Variants in PLCB1 observed in about 807,000 individuals in gnomAD.
The protein encoded by PLCB1 is phospholipase C beta 1, also known as 1-phosphatidylinositol 4,5-bisphosphate phosphodiesterase beta-1.
PLCB1 carries 46 observed loss-of-function variants against 161.8 expected under a neutral mutation model. The observed-to-expected ratio is 0.28, with a 90% CI of 0.22 to 0.36. The LOEUF is 0.36. Ranked by LOEUF, PLCB1 falls within the 10% of genes least tolerant of loss-of-function variation. PLCB1 has a pLI of 1.00. For synonymous variants in PLCB1, 517 were observed against 503.7 expected, an observed-to-expected ratio of 1.03 and a Z score of -0.35; for missense variants, 1,016 against 1,472.5, an observed-to-expected ratio of 0.69 and a Z score of 5.07.
intron 2 of PLCB1, among the ~76,000 whole-genome samples, chr20:8,341,207 T>C (rs1476394439): frequency 1.3e-5 from 2 of 152,182 alleles, no homozygotes; most frequent in African/African-American, 2.4e-5. Context: ...CAACAGGTAC[T>C]ACTCATTCCA....
intron 4 of PLCB1, among the ~76,000 whole-genome samples, chr20:8,643,756 C>T (rs1241067089): frequency 6.9e-6 from 1 of 145,674 alleles, no homozygotes; most frequent in Non-Finnish European, 1.5e-5. Context: ...TCTCCCTCTC[C>T]CTCTCCCTCT....
chr20:8,251,752 AG>A (rs1981158973), intron 2 of PLCB1, among the ~76,000 whole-genome samples: 1 of 151,994 alleles, frequency 6.6e-6, no homozygotes, highest in Non-Finnish European at 1.5e-5. Flanking sequence ...GTTGCGAGTG[AG>A]ACACATTCCT....
At chr20:8,369,081 C>G (rs1287588397) in intron 2 of PLCB1, among the ~76,000 whole-genome samples, 1 of 152,166 alleles carries the variant, frequency 6.6e-6, no homozygotes, top group Non-Finnish European at 1.5e-5. Flanking sequence ...ATACCTGATA[C>G]ATTGTAGGCA....
rs186007454 is a variant in PLCB1 at position 8,795,747 on chromosome 20, C to T, written c.3423+5486C>T. Among the ~76,000 whole-genome samples, 351 of 151,928 alleles carry T rather than the reference C, an allele frequency of 2.3e-3. 2 individuals are homozygous for T. The highest frequency in any genetic ancestry group is 0.019 in the Admixed American group (288 of 15,256). On this transcript the variant is annotated intron_variant, in intron 31 of 31. Coordinates refer to ENST00000338037, the MANE Select transcript of PLCB1 (RefSeq NM_015192.4). The stretch of plus-strand genomic sequence containing the variant: ...AAAATTAGCCAGGTGTGGTGGTGGG[C>T]GCTGGTAGTCCCGGCTACTTGGGAG...
intron 3 of PLCB1, among the ~76,000 whole-genome samples, chr20:8,437,045 C>T (rs1325745200): frequency 6.6e-6 from 1 of 152,146 alleles, no homozygotes. Context: ...CCACCTTGGC[C>T]TCCTAAAGTG....
At chr20:8,641,611 C>G (rs533872505) in intron 4 of PLCB1, among the ~76,000 whole-genome samples, 1 of 152,316 alleles carries the variant, frequency 6.6e-6, no homozygotes, top group South Asian at 2.1e-4. Context: ...ACTTGGTTGT[C>G]GTGGACACTG....
intron 2 of PLCB1, among the ~76,000 whole-genome samples, chr20:8,240,308 A>G (rs972664006): frequency 1.4e-5 from 2 of 140,518 alleles, no homozygotes; most frequent in African/African-American, 5.8e-5. Context: ...ACACACACGC[A>G]CACACACACA....
At chr20:8,510,439 G>T (rs1176004147) in intron 3 of PLCB1, among the ~76,000 whole-genome samples, 1 of 144,526 alleles carries the variant, frequency 6.9e-6, no homozygotes, top group African/African-American at 2.6e-5. Context: ...AGACTGGAGT[G>T]CAGTGGCGCG....
At chr20:8,746,294 A>G (rs891622125) in intron 23 of PLCB1, among the ~76,000 whole-genome samples, 2 of 152,226 alleles carry the variant, frequency 1.3e-5, no homozygotes, top group Non-Finnish European at 2.9e-5. Context: ...GTAATTACAG[A>G]GATGCCTAGT....
intron 19 of PLCB1, among the ~76,000 whole-genome samples, chr20:8,735,746 TTTCATAGACATA>T (rs1240630831): frequency 6.6e-6 from 1 of 152,226 alleles, no homozygotes; most frequent in Non-Finnish European, 1.5e-5. Context: ...TGCTTGCTTA[TTTCATAGACATA>T]GTTCTCACAT....
chr20:8,764,536 C>T lies in PLCB1; in HGVS notation c.2711-603C>T, dbSNP rs555633115. Among the ~76,000 whole-genome samples, 4 of 152,306 alleles carry T rather than the reference C, an allele frequency of 2.6e-5. No individual in the cohort carries two copies. The South Asian group carries it at 6.2e-4, about 24-fold the overall frequency. ...AGATTCCTTGTACAGCTGGTGCACC[C>T]GTCTCCTGGCTGGTGGTGAGGGTTG... On this transcript the variant is annotated intron_variant, in intron 25 of 31. Transcript: ENST00000338037.
At chr20:8,519,007 G>T (rs1220823835) in intron 3 of PLCB1, among the ~76,000 whole-genome samples, 1 of 152,086 alleles carries the variant, frequency 6.6e-6, no homozygotes, top group Non-Finnish European at 1.5e-5. Flanking sequence ...GAGCTCAGGT[G>T]GTGATGGGAG....
Position 8,306,808 on chromosome 20 carries a change from A to G in PLCB1, c.178-64574A>G, listed in dbSNP as rs1416183700. On this transcript the variant is annotated intron_variant, in intron 2 of 31. Coordinates refer to ENST00000338037, the MANE Select transcript of PLCB1 (RefSeq NM_015192.4). Reference sequence around the variant, plus strand: ...TTTTTAAAAACACTTGGAGGCGGTGACTCTTTAAAAGCTAAACCATGAAAT... The same window carrying G: ...TTTTTAAAAACACTTGGAGGCGGTGGCTCTTTAAAAGCTAAACCATGAAAT... Among the ~76,000 whole-genome samples, 17 of 152,206 alleles carry G rather than the reference A, an allele frequency of 1.1e-4. 1 individual carries two copies. Among genetic ancestry groups the G allele is most frequent in the Non-Finnish European group, 1.5e-5 (1 of 68,030 alleles).
chr20:8,288,471 ATAAAG>A (rs989142511), intron 2 of PLCB1, among the ~76,000 whole-genome samples: 1 of 152,206 alleles, frequency 6.6e-6, no homozygotes, highest in African/African-American at 2.4e-5. Flanking sequence ...AGGATTAGAA[ATAAAG>A]TAAAGGTGGG....
chr20:8,802,074 T>C (rs1984308052), intron 31 of PLCB1: 1 of 1,609,318 alleles, frequency 6.2e-7, no homozygotes, highest in African/African-American at 1.3e-5. Flanking sequence ...TTCCTCCTCA[T>C]TCTTGTCGGA....
chr20:8,506,066 G>A (rs561041106), intron 3 of PLCB1, among the ~76,000 whole-genome samples: 3 of 152,120 alleles, frequency 2.0e-5, no homozygotes, highest in Non-Finnish European at 4.4e-5. Context: ...CCCAGTTTCT[G>A]TTTTCTTCCT....
At chr20:8,376,704 G>T (rs1010452970) in intron 3 of PLCB1, among the ~76,000 whole-genome samples, 1 of 152,094 alleles carries the variant, frequency 6.6e-6, no homozygotes, top group Non-Finnish European at 1.5e-5. Context: ...TGAGGCGGGC[G>T]GATCACGAGG....
intron 31 of PLCB1, among the ~76,000 whole-genome samples, chr20:8,817,608 G>A (rs567252015): frequency 6.6e-6 from 1 of 152,216 alleles, no homozygotes; most frequent in Admixed American, 6.5e-5. Flanking sequence ...GAAATCCTCT[G>A]GGCTCCTGAC....
chr20:8,299,887 G>T (rs1401933056), intron 2 of PLCB1, among the ~76,000 whole-genome samples: 1 of 152,098 alleles, frequency 6.6e-6, no homozygotes, highest in Non-Finnish European at 1.5e-5. Flanking sequence ...GCTTAACTTG[G>T]CTCACTGCTC....
Sources: gnomAD v4.1 joint callset for allele counts (sites outside exome capture counted in the v4.1 genomes callset) on GRCh38, gnomAD v4.1.1 for gene constraint, MANE v1.5 for transcripts, NCBI Gene and HGNC (gene_info 2026-07-23, HGNC 2026-07-21) for gene names.